LDLRAD3: variants seen among roughly 807,000 people sequenced by gnomAD.
LDLRAD3 encodes low density lipoprotein receptor class A domain containing 3.
In LDLRAD3, 20 loss-of-function variants were observed where a neutral mutation model predicts 29.4. The ratio of observed to expected loss-of-function variants is 0.68; its 90% CI spans 0.48 to 0.99. LDLRAD3 has a LOEUF of 0.99. LDLRAD3 is among the 50% of genes least tolerant of loss of function. LDLRAD3 has a pLI of 0.00. For missense variants in LDLRAD3, 420 were observed against 454.3 expected (o/e 0.92, Z 0.69); for synonymous variants, 157 against 192.7 (o/e 0.81, Z 1.53).
intron 4 of LDLRAD3, among the ~76,000 whole-genome samples, chr11:36,128,733 C>T (rs1413551170): frequency 2.0e-5 from 3 of 151,904 alleles, no homozygotes; most frequent in Non-Finnish European, 4.4e-5. Flanking sequence ...CCTGTAGTCT[C>T]AGCTACTCAG....
chr11:36,117,553 A>G (rs1273936858), intron 4 of LDLRAD3, among the ~76,000 whole-genome samples: 1 of 152,216 alleles, frequency 6.6e-6, no homozygotes, highest in Admixed American at 6.5e-5. Context: ...TCCATGGATT[A>G]TCAGAATTAT....
intron 4 of LDLRAD3, among the ~76,000 whole-genome samples, chr11:36,166,721 GATC>G (rs986080805): frequency 6.6e-6 from 1 of 152,130 alleles, no homozygotes; most frequent in African/African-American, 2.4e-5. Context: ...TTGGAAACAT[GATC>G]TTCTAGCCCA....
At chr11:35,991,807 G>T (rs918714594) in intron 1 of LDLRAD3, among the ~76,000 whole-genome samples, 1 of 151,504 alleles carries the variant, frequency 6.6e-6, no homozygotes, top group African/African-American at 2.4e-5. Flanking sequence ...TCAGCTTTTC[G>T]ATAGCTACAA....
intron 1 of LDLRAD3, among the ~76,000 whole-genome samples, chr11:35,979,601 T>C (rs890403122): frequency 6.6e-6 from 1 of 152,326 alleles, no homozygotes; most frequent in South Asian, 2.1e-4. Flanking sequence ...GCGTTGAGAC[T>C]GTCTGTCTCA....
At chr11:36,014,006 G>A (rs1398131760) in intron 1 of LDLRAD3, among the ~76,000 whole-genome samples, 1 of 152,144 alleles carries the variant, frequency 6.6e-6, no homozygotes, top group Non-Finnish European at 1.5e-5. Context: ...TCTTCAGTTG[G>A]TTCTTTCTTT....
At chr11:36,043,258 G>C (rs1382868258) in intron 2 of LDLRAD3, among the ~76,000 whole-genome samples, 1 of 152,204 alleles carries the variant, frequency 6.6e-6, no homozygotes, top group African/African-American at 2.4e-5. Context: ...GTTGCAGTGA[G>C]CTGAGATTGT....
At chr11:36,214,403 C>T (rs746396203) in intron 4 of LDLRAD3, among the ~76,000 whole-genome samples, 1 of 152,074 alleles carries the variant, frequency 6.6e-6, no homozygotes, top group Admixed American at 6.6e-5. Flanking sequence ...TTTGGTCCTG[C>T]GAGTTGGTGG....
chr11:36,159,656 C>T (rs184327299), intron 4 of LDLRAD3, among the ~76,000 whole-genome samples: 3 of 146,772 alleles, frequency 2.0e-5, no homozygotes, highest in East Asian at 4.0e-4. Flanking sequence ...TCCTGTAGTC[C>T]CAGCTACATG....
rs562944937 is a variant in LDLRAD3 at position 36,216,990 on chromosome 11, T to C, written c.455-10095T>C. ...TCAGACTCCTGCACCCAAAGACTAG[T>C]TGTACCACTTGTTTGCTCTATGACC... On this transcript the variant is annotated intron_variant, in intron 4 of 5. Transcript: ENST00000315571. Among the ~76,000 whole-genome samples the C allele has an allele frequency of 3.9e-5, 6 of 152,330 alleles. No homozygotes were observed. The East Asian group carries it at 1.2e-3, about 29-fold the overall frequency.
At chr11:36,209,580 G>A (rs1002310063) in intron 4 of LDLRAD3, among the ~76,000 whole-genome samples, 6 of 151,888 alleles carry the variant, frequency 4.0e-5, no homozygotes, top group African/African-American at 9.7e-5. Flanking sequence ...GGCTGGTCTC[G>A]AACTACTGAC....
chr11:36,127,918 G>T lies in LDLRAD3; in HGVS notation c.454+29457G>T, dbSNP rs146054574. Among the ~76,000 whole-genome samples the T allele has an allele frequency of 7.3e-4, 111 of 151,804 alleles. 1 individual carries two copies. Among genetic ancestry groups the T allele is most frequent in the Non-Finnish European group, 9.1e-4 (62 of 67,954 alleles). ...TTGCCTTTACTTTCCCTGGGTCAAA[G>T]GTCCACCAGTTGAGGTGTTTTAATG... On this transcript the variant is annotated intron_variant, in intron 4 of 5. Transcript: ENST00000315571.
intron 1 of LDLRAD3, among the ~76,000 whole-genome samples, chr11:36,006,025 T>C (rs748298384): frequency 1.6e-4 from 24 of 151,948 alleles, no homozygotes; most frequent in Non-Finnish European, 3.2e-4. Context: ...GAGACACAAA[T>C]CCAAACCATA....
chr11:36,105,403 C>T (rs777288368), intron 4 of LDLRAD3, among the ~76,000 whole-genome samples: 8 of 151,966 alleles, frequency 5.3e-5, no homozygotes, highest in Admixed American at 3.3e-4. Flanking sequence ...TAGAAGTGGT[C>T]TTGGCCCCTT....
At chr11:36,118,273 G>C (rs1475302269) in intron 4 of LDLRAD3, among the ~76,000 whole-genome samples, 1 of 152,128 alleles carries the variant, frequency 6.6e-6, no homozygotes, top group East Asian at 1.9e-4. Flanking sequence ...TCTGTGCAAG[G>C]TCACACAGCT....
intron 4 of LDLRAD3, among the ~76,000 whole-genome samples, chr11:36,181,619 GGATAT>G (rs1854765139): frequency 6.6e-6 from 1 of 152,086 alleles, no homozygotes; most frequent in South Asian, 2.1e-4. Flanking sequence ...CTGTGGGGTT[GGATAT>G]GAGCTGTCTT....
At chr11:36,192,585 C>T (rs930029353) in intron 4 of LDLRAD3, among the ~76,000 whole-genome samples, 2 of 152,212 alleles carry the variant, frequency 1.3e-5, no homozygotes, top group East Asian at 3.8e-4. Flanking sequence ...CTGCCCTGCT[C>T]TTCAAAGCAA....
rs149537418 is a variant in LDLRAD3 at position 36,086,117 on chromosome 11, T to C, written c.319+4339T>C. On this transcript the variant is annotated intron_variant, in intron 3 of 5. Coordinates refer to ENST00000315571, the MANE Select transcript of LDLRAD3 (RefSeq NM_174902.4). The stretch of plus-strand genomic sequence containing the variant: ...TCTAAAATTTCTTTTTGGTTTTCTT[T>C]ATATCTTTCTTTGCTGAGACTTTCT... Among the ~76,000 whole-genome samples the C allele has an allele frequency of 3.8e-3, 577 of 152,340 alleles. 7 individuals carry two copies. Among genetic ancestry groups the C allele is most frequent in the African/African-American group, 0.013 (549 of 41,582 alleles).
intron 4 of LDLRAD3, among the ~76,000 whole-genome samples, chr11:36,202,794 T>G (rs971571582): frequency 6.6e-6 from 1 of 152,112 alleles, no homozygotes; most frequent in African/African-American, 2.4e-5. Flanking sequence ...CCTAAGTCAG[T>G]AAAGTCAGAC....
intron 1 of LDLRAD3, among the ~76,000 whole-genome samples, chr11:36,029,525 A>G (rs1852209337): frequency 6.6e-6 from 1 of 152,198 alleles, no homozygotes. Flanking sequence ...ATGGCTCTGC[A>G]AACCCCCACT....
Sources: gnomAD v4.1 joint callset for allele counts (sites outside exome capture counted in the v4.1 genomes callset) on GRCh38, gnomAD v4.1.1 for gene constraint, MANE v1.5 for transcripts, NCBI Gene and HGNC (gene_info 2026-07-23, HGNC 2026-07-21) for gene names.